Variants in IWS1 observed in about 807,000 individuals in gnomAD.
The protein encoded by IWS1 is interacts with SUPT6H, CTD assembly factor 1.
Under a neutral mutation model 86.7 loss-of-function variants are expected in IWS1, and 27 were observed. The ratio of observed to expected loss-of-function variants is 0.31; its 90% CI spans 0.23 to 0.43. IWS1 has a LOEUF of 0.43. Ranked by LOEUF, IWS1 falls within the 20% of genes least tolerant of loss-of-function variation. The pLI is 1.00. For synonymous variants in IWS1, 313 were observed against 335.1 expected (o/e 0.93, Z 0.72); for missense variants, 827 against 1,000.8 (o/e 0.83, Z 2.34).
chr2:127,483,284 T>A lies in IWS1; in HGVS notation c.2329-2109A>T, dbSNP rs527830477. Among the ~76,000 whole-genome samples, 14 of 152,264 alleles carry A rather than the reference T, an allele frequency of 9.2e-5. No individual in the cohort carries two copies. In the East Asian group the frequency reaches 2.5e-3, roughly 27 times the overall value. On this transcript the variant is annotated intron_variant, in intron 13 of 13. Transcript: ENST00000295321. Reference sequence around the variant, plus strand: ...TACAATGTAGCACAGGTTACTACATTATTTAGGAGTAAAAAATCAGAAATC... The same window carrying A: ...TACAATGTAGCACAGGTTACTACATAATTTAGGAGTAAAAAATCAGAAATC...
chr2:127,494,997 TTTTA>T, intron 7 of IWS1, 43 bp from the exon 8 acceptor site: 1 of 1,200,980 alleles, frequency 8.3e-7, no homozygotes, highest in East Asian at 2.5e-5. Context: ...AAACAGTACT[TTTTA>T]TTAATATTGA....
At position 127,494,880 on chromosome 2, in the gene IWS1, G is replaced by C; in HGVS notation, c.1791C>G (p.His597Gln). ...KLTLLPAVVM[H>Q]LKKQDLKETF... ...GAAAACAAAATACTTACTTCTTAAG[G>C]TGCATAACTACAGCAGGCAGTAAAG... The change falls in exon 8 of 14, where the codon CAC becomes CAG. Residue 597 changes from histidine (H) to glutamine (Q), a missense_variant. By Grantham distance (24) the His-to-Gln change is conservative (BLOSUM62 0). Transcript: ENST00000295321. The C allele has an allele frequency of 6.3e-7, 1 of 1,584,232 alleles. No individual in the cohort carries two copies. Among genetic ancestry groups the C allele is most frequent in the Non-Finnish European group, 8.6e-7 (1 of 1,160,732 alleles).
intron 2 of IWS1, among the ~76,000 whole-genome samples, chr2:127,507,686 A>G (rs2104710194): frequency 6.6e-6 from 1 of 152,348 alleles, no homozygotes; most frequent in African/African-American, 2.4e-5. Flanking sequence ...AGCTCTAGGA[A>G]GGCAGACATA....
chr2:127,493,226 C>T (rs1242273493), intron 9 of IWS1, 55 bp downstream of exon 9: 21 of 1,514,524 alleles, frequency 1.4e-5, no homozygotes, highest in Non-Finnish European at 1.8e-5. Context: ...AGGTTATGAC[C>T]ATACAGACCA....
intron 2 of IWS1, among the ~76,000 whole-genome samples, chr2:127,516,842 C>T (rs994654078): frequency 5.9e-5 from 9 of 151,982 alleles, no homozygotes; most frequent in Non-Finnish European, 1.0e-4. Context: ...TCTTATTAAG[C>T]GCATGGAACA....
Position 127,481,052 on chromosome 2 carries a change from G to C in IWS1, c.2452C>G (p.Pro818Ala). ...VKISIEGNKM[P>A]L ...ACACATTCCAGGCAAGGTCACAATG[G>C]CATTTTGTTGCCCTCAATGCTGATT... Residue 818 changes from proline to alanine, a missense_variant, in exon 14 of 14, where the codon CCA becomes GCA. Physicochemically the swap from Pro to Ala is conservative, Grantham distance 27 (BLOSUM62 -1). Coordinates refer to ENST00000295321, the MANE Select transcript of IWS1 (RefSeq NM_017969.3). 6.2e-7 allele frequency: 1 copy of C among 1,608,440 alleles called. No individual in the cohort carries two copies. The highest frequency in any genetic ancestry group is 8.5e-7 in the Non-Finnish European group (1 of 1,178,310).
chr2:127,501,132 T>C (rs571908160), intron 5 of IWS1, among the ~76,000 whole-genome samples: 12 of 152,336 alleles, frequency 7.9e-5, no homozygotes, highest in African/African-American at 2.6e-4. Flanking sequence ...TAACCTTCCA[T>C]CTGAGATCAT....
At chr2:127,523,563 T>A in intron 2 of IWS1, 113 bp downstream of exon 2, 1 of 692,696 alleles carries the variant, frequency 1.4e-6, no homozygotes, top group South Asian at 1.9e-5. Flanking sequence ...GCTCCTTTAC[T>A]CTCAGAGATT....
rs758889244 is a variant in IWS1, at chr2:127,499,380, G to A, written c.1468-1143C>T. ...GCTGGGATTACAGGCGTGAGCCACC[G>A]CGCCCGGCCAATTTTTCATTTTTAT... On this transcript the variant is annotated intron_variant, in intron 5 of 13. Coordinates refer to ENST00000295321, the MANE Select transcript of IWS1 (RefSeq NM_017969.3). This position sits in a 1 kb window ranked among gnomAD's most constrained non-coding sequence, Gnocchi z 4.0. Among the ~76,000 whole-genome samples, 2 of 152,112 alleles carry A rather than the reference G, an allele frequency of 1.3e-5. No individual in the cohort carries two copies. Among genetic ancestry groups the A allele is most frequent in the East Asian group, 3.9e-4 (2 of 5,194 alleles).
intron 13 of IWS1, among the ~76,000 whole-genome samples, chr2:127,485,159 C>T (rs990776417): frequency 6.6e-6 from 1 of 152,058 alleles, no homozygotes; most frequent in African/African-American, 2.4e-5. Flanking sequence ...TCTCTACCCT[C>T]GATTTATTCT....
At chr2:127,521,294 CAAGTA>C (rs1439594831) in intron 2 of IWS1, among the ~76,000 whole-genome samples, 1 of 152,046 alleles carries the variant, frequency 6.6e-6, no homozygotes, top group Non-Finnish European at 1.5e-5. Context: ...AATAACATCT[CAAGTA>C]AAGTTAAAAT....
Position 127,526,295 on chromosome 2 carries a change from C to T in IWS1, c.-87G>A. The stretch of plus-strand genomic sequence containing the variant: ...GGCGGTGTGACCCCGGATGGCGCGG[C>T]TAAGTGTTCAGAGACTGCCGCCCGA... On this transcript the variant is annotated 5_prime_UTR_variant, in exon 1 of 14. Coordinates refer to ENST00000295321, the MANE Select transcript of IWS1 (RefSeq NM_017969.3). The T allele has an allele frequency of 1.3e-6, 2 of 1,543,720 alleles. No individual in the cohort carries two copies. The highest frequency in any genetic ancestry group is 1.7e-6 in the Non-Finnish European group (2 of 1,146,854).
intron 2 of IWS1, among the ~76,000 whole-genome samples, chr2:127,509,781 G>T (rs1037996341): frequency 2.4e-4 from 35 of 147,688 alleles, no homozygotes; most frequent in South Asian, 1.1e-3. Flanking sequence ...TCACACTGCA[G>T]TTATAAATCA....
intron 13 of IWS1, among the ~76,000 whole-genome samples, chr2:127,481,799 T>C (rs1689644429): frequency 6.6e-6 from 1 of 152,102 alleles, no homozygotes; most frequent in African/African-American, 2.4e-5. Flanking sequence ...AATGAGATAG[T>C]GATGTCAGAT....
rs1282553779 is a variant in IWS1 at position 127,505,451 on chromosome 2, A to G, written c.452T>C (p.Val151Ala). 3.7e-6 allele frequency: 6 copies of G among 1,613,944 alleles called. No homozygotes were observed. In the Admixed American group the frequency reaches 5.0e-5, roughly 13 times the overall value. ...GHASDSENED[V>A]GKHPASDSEI... ...AGAATCACTGGCGGGATGCTTCCCA[A>G]CATCTTCGTTTTCTGAGTCACTTGC... The change falls in exon 3 of 14, where the codon GTT (valine) becomes GCT (alanine). Residue 151 changes from valine to alanine, a missense_variant. By Grantham distance (64) the Val-to-Ala change is moderately conservative (BLOSUM62 0). Coordinates refer to ENST00000295321, the MANE Select transcript of IWS1 (RefSeq NM_017969.3). The surrounding 1 kb of genome is among the most constrained non-coding windows in gnomAD (Gnocchi z 5.0).
intron 4 of IWS1, 100 bp downstream of exon 4, chr2:127,503,287 A>G: frequency 1.2e-6 from 1 of 835,120 alleles, no homozygotes; most frequent in Non-Finnish European, 1.9e-6. Flanking sequence ...CTAAATCCCC[A>G]AAGACATGCA....
In IWS1 at chr2:127,505,562, T is replaced by A. The variant is rs111686968; in HGVS notation, c.341A>T (p.Asn114Ile). ...PASDSENEDVNQHGSDSESEE... is the reference protein window; with the variant it reads ...PASDSENEDVIQHGSDSESEE... ...ACTCTCAGAGTCGCTCCCATGCTGA[T>A]TGACATCCTCATTTTCAGAATCGCT... The change falls in exon 3 of 14, where the codon AAT becomes ATT. Residue 114 changes from asparagine to isoleucine, a missense_variant. By Grantham distance (149) the Asn-to-Ile change is moderately radical (BLOSUM62 -3). Coordinates refer to ENST00000295321, the MANE Select transcript of IWS1 (RefSeq NM_017969.3). The surrounding 1 kb of genome is among the most constrained non-coding windows in gnomAD (Gnocchi z 5.0). 5 of 1,614,082 alleles carry A rather than the reference T, an allele frequency of 3.1e-6. No individual in the cohort carries two copies. The highest frequency in any genetic ancestry group is 2.7e-5 in the African/African-American group (2 of 75,008).
intron 2 of IWS1, chr2:127,514,562 G>C (rs1691666583): frequency 6.6e-6 from 1 of 152,402 alleles, no homozygotes. Flanking sequence ...TGGGAACTGA[G>C]CTGTGACATC....
intron 2 of IWS1, among the ~76,000 whole-genome samples, chr2:127,522,235 T>A (rs907202049): frequency 3.3e-5 from 5 of 152,186 alleles, no homozygotes; most frequent in African/African-American, 1.2e-4. Flanking sequence ...AGGGATGTTC[T>A]TCCCCTAAAC....
Sources: allele counts gnomAD v4.1 joint callset (sites outside exome capture counted in the v4.1 genomes callset), GRCh38; gene constraint gnomAD v4.1.1; non-coding constraint Gnocchi (gnomAD v3.1); transcripts MANE v1.5; gene names NCBI Gene and HGNC (gene_info 2026-07-23, HGNC 2026-07-21).